Variants in TMEM108 observed in about 807,000 individuals in gnomAD.
TMEM108 encodes the protein transmembrane protein 108, also known as cancer/testis antigen 124.
In TMEM108, 12 loss-of-function variants were observed where a neutral mutation model predicts 35.1. That is an observed-to-expected ratio of 0.34 (90% confidence interval 0.22 to 0.55). The LOEUF (loss-of-function observed/expected upper bound fraction) is 0.55. Ranked by LOEUF, TMEM108 falls within the 20% of genes least tolerant of loss-of-function variation. The probability of loss-of-function intolerance (pLI) is 0.89; values close to 1 mark genes in which losing one functional copy is unlikely to be tolerated. For synonymous variants in TMEM108, 287 were observed against 308.6 expected (o/e 0.93, Z 0.73); for missense variants, 680 against 753.3 (o/e 0.90, Z 1.14).
chr3:133,252,897 C>G (rs1946491278), intron 3 of TMEM108, among the ~76,000 whole-genome samples: 1 of 152,130 alleles, frequency 6.6e-6, no homozygotes, highest in South Asian at 2.1e-4. Context: ...GGAGGGCTGA[C>G]TGTACTACCC....
At chr3:133,110,130 A>G (rs1191291394) in intron 2 of TMEM108, among the ~76,000 whole-genome samples, 1 of 152,122 alleles carries the variant, frequency 6.6e-6, no homozygotes, top group African/African-American at 2.4e-5. Context: ...TGAAAATGCA[A>G]TCAGATGAAC....
intron 2 of TMEM108, among the ~76,000 whole-genome samples, chr3:133,135,210 G>C (rs866384867): frequency 6.7e-6 from 1 of 148,972 alleles, no homozygotes; most frequent in South Asian, 2.1e-4. Flanking sequence ...TTCCTTTAGC[G>C]GGTCTTTCTC....
chr3:133,152,713 A>G (rs1944819762), intron 2 of TMEM108, among the ~76,000 whole-genome samples: 1 of 152,164 alleles, frequency 6.6e-6, no homozygotes, highest in South Asian at 2.1e-4. Flanking sequence ...CTGGAAAAAC[A>G]TGTTTAAGCT....
intron 3 of TMEM108, among the ~76,000 whole-genome samples, chr3:133,366,941 A>T (rs1045733266): frequency 1.3e-5 from 2 of 152,246 alleles, no homozygotes; most frequent in Non-Finnish European, 1.5e-5. Context: ...TCACATACAG[A>T]GGAGTCCAGT....
intron 3 of TMEM108, among the ~76,000 whole-genome samples, chr3:133,348,114 TGAG>T (rs1355890556): frequency 4.6e-5 from 7 of 151,004 alleles, no homozygotes; most frequent in Non-Finnish European, 1.0e-4. Flanking sequence ...ACAAGAGTAA[TGAG>T]GGGGGGGCCA....
intron 2 of TMEM108, among the ~76,000 whole-genome samples, chr3:133,083,808 T>A (rs1186347981): frequency 2.6e-5 from 4 of 152,102 alleles, no homozygotes; most frequent in Admixed American, 2.0e-4. Flanking sequence ...GGGGTGAAGG[T>A]GATTCTGTTC....
At chr3:133,343,285 A>G (rs1369532022) in intron 3 of TMEM108, among the ~76,000 whole-genome samples, 1 of 151,920 alleles carries the variant, frequency 6.6e-6, no homozygotes, top group East Asian at 1.9e-4. Flanking sequence ...TGATGATACA[A>G]TCACTTTAGA....
chr3:133,335,753 G>T (rs936235536), intron 3 of TMEM108, among the ~76,000 whole-genome samples: 1 of 152,150 alleles, frequency 6.6e-6, no homozygotes, highest in Non-Finnish European at 1.5e-5. Context: ...AATAAGATGA[G>T]CACTCACAGT....
chr3:133,119,589 A>C (rs774603574), intron 2 of TMEM108: 1 of 152,240 alleles, frequency 6.6e-6, no homozygotes, highest in Non-Finnish European at 1.5e-5. Flanking sequence ...GTTTGCTAGG[A>C]AACATTTAGC....
At chr3:133,377,999 C>A (rs910434732) in intron 3 of TMEM108, among the ~76,000 whole-genome samples, 2 of 152,162 alleles carry the variant, frequency 1.3e-5, no homozygotes, top group Non-Finnish European at 2.9e-5. Flanking sequence ...ACCATACCCC[C>A]CCCGACCAAC....
At position 133,381,057 on chromosome 3, in the gene TMEM108, A is replaced by G; in HGVS notation, c.1346A>G (p.His449Arg). 6.2e-7 allele frequency: 1 copy of G among 1,614,198 alleles called. No homozygotes were observed. The highest frequency in any genetic ancestry group is 8.5e-7 in the Non-Finnish European group (1 of 1,180,022). Residue 449 changes from histidine (H) to arginine (R), a missense_variant, in exon 4 of 6, where the codon CAT becomes CGT. Transcript: ENST00000321871. ...WKPGTAGNIS[H>R]VAEGDKPQHR... is the part of the protein sequence containing the mutation. Reference sequence around the variant, plus strand: ...CCTGGGACAGCAGGGAACATCTCCCATGTGGCCGAGGGGGACAAACCGCAG... The same window carrying G: ...CCTGGGACAGCAGGGAACATCTCCCGTGTGGCCGAGGGGGACAAACCGCAG...
At chr3:133,201,637 T>G (rs1945667402) in intron 2 of TMEM108, among the ~76,000 whole-genome samples, 1 of 152,188 alleles carries the variant, frequency 6.6e-6, no homozygotes, top group South Asian at 2.1e-4. Flanking sequence ...AACTCATCCT[T>G]TTTTATGCCT....
At chr3:133,315,694 G>C (rs1331342562) in intron 3 of TMEM108, among the ~76,000 whole-genome samples, 1 of 152,226 alleles carries the variant, frequency 6.6e-6, no homozygotes, top group African/African-American at 2.4e-5. Flanking sequence ...AGTTAAGTCT[G>C]TCTCAGAAAT....
intron 2 of TMEM108, among the ~76,000 whole-genome samples, chr3:133,103,037 A>G (rs1309871769): frequency 4.6e-5 from 7 of 152,220 alleles, no homozygotes; most frequent in Non-Finnish European, 1.0e-4. Context: ...GCAATTCCTC[A>G]TACCTAAAGA....
intron 3 of TMEM108, among the ~76,000 whole-genome samples, chr3:133,326,398 A>G (rs1424981186): frequency 1.3e-5 from 2 of 152,198 alleles, no homozygotes; most frequent in African/African-American, 4.8e-5. Context: ...ATTTGATATA[A>G]TGAAATAAGT....
intron 2 of TMEM108, among the ~76,000 whole-genome samples, chr3:133,178,203 A>G (rs1945268646): frequency 1.3e-5 from 2 of 152,234 alleles, no homozygotes; most frequent in Non-Finnish European, 2.9e-5. Flanking sequence ...ACTCATGGAT[A>G]GGAAGAATCA....
At chr3:133,268,343 A>G (rs1236052631) in intron 3 of TMEM108, among the ~76,000 whole-genome samples, 1 of 152,176 alleles carries the variant, frequency 6.6e-6, no homozygotes, top group Admixed American at 6.5e-5. Context: ...TGGTACATGG[A>G]CAAGCAGCTT....
intron 2 of TMEM108, chr3:133,120,980 T>G (rs1944345528): frequency 6.6e-6 from 1 of 152,216 alleles, no homozygotes; most frequent in Non-Finnish European, 1.5e-5. Context: ...GCATCCCATA[T>G]TTGTGAACTG....
chr3:133,067,475 A>G (rs1226888320), intron 2 of TMEM108, among the ~76,000 whole-genome samples: 1 of 152,176 alleles, frequency 6.6e-6, no homozygotes, highest in Non-Finnish European at 1.5e-5. Context: ...CATCCATCTA[A>G]AGCTTGACTA....
Sources: allele counts gnomAD v4.1 joint callset (sites outside exome capture counted in the v4.1 genomes callset), GRCh38; gene constraint gnomAD v4.1.1; transcripts MANE v1.5; gene names NCBI Gene and HGNC (gene_info 2026-07-23, HGNC 2026-07-21).